Variants in GAS7 observed in about 807,000 individuals in gnomAD.
GAS7 encodes growth arrest specific 7, also known as growth arrest-specific protein 7.
Under a neutral mutation model 71.1 loss-of-function variants are expected in GAS7, and 28 were observed. The observed-to-expected ratio is 0.39, with a 90% CI of 0.29 to 0.54. The LOEUF (loss-of-function observed/expected upper bound fraction) is 0.54, where lower values mean the gene tolerates loss of function less well. Ranked by LOEUF, GAS7 falls within the 20% of genes least tolerant of loss-of-function variation. The probability of loss-of-function intolerance (pLI) is 0.62; values close to 1 mark genes in which losing one functional copy is unlikely to be tolerated. For synonymous variants in GAS7, 258 were observed against 245.8 expected (o/e 1.05, Z -0.46); for missense variants, 436 against 627.8 (o/e 0.69, Z 3.27).
At chr17:9,987,418 T>C (rs952075044) in intron 2 of GAS7, among the ~76,000 whole-genome samples, 1 of 152,242 alleles carries the variant, frequency 6.6e-6, no homozygotes, top group Non-Finnish European at 1.5e-5. Context: ...GGTACTATTT[T>C]AGCATTAATG....
intron 5 of GAS7, among the ~76,000 whole-genome samples, chr17:9,950,488 A>G (rs1312409796): frequency 1.3e-5 from 2 of 152,124 alleles, no homozygotes; most frequent in East Asian, 1.9e-4. Flanking sequence ...CTTTAGCCTA[A>G]GTTAAAAAAA....
intron 1 of GAS7, among the ~76,000 whole-genome samples, chr17:10,148,157 A>G (rs1232673845): frequency 6.6e-6 from 1 of 152,192 alleles, no homozygotes; most frequent in African/African-American, 2.4e-5. Flanking sequence ...GGGAGTCAAA[A>G]AAAGAACACA....
At chr17:9,930,471 C>T (rs2068169273) in intron 9 of GAS7, among the ~76,000 whole-genome samples, 4 of 152,314 alleles carry the variant, frequency 2.6e-5, no homozygotes, top group South Asian at 4.1e-4. Flanking sequence ...TCTGATGGAA[C>T]GCAGAGCCTC....
chr17:9,934,190 T>C lies in GAS7; in HGVS notation c.861A>G (p.Glu287=), dbSNP rs762865076. The part of the protein sequence containing the change: ...QVKKSLADEA[E]VHLKFSAKLH... ...CCTTGGCAGAGAACTTGAGGTGAAC[T>C]TCTGCTTCGTCCGCCAGGCTCTTCT... Residue 287 remains glutamate (E), a synonymous_variant, in exon 9 of 14, where the codon GAA becomes GAG. Transcript: ENST00000432992. 9 of 1,613,122 alleles carry C rather than the reference T, an allele frequency of 5.6e-6. No homozygotes were observed. In the African/African-American group the frequency reaches 1.2e-4, roughly 22 times the overall value.
chr17:10,064,005 T>A (rs2152243838), intron 1 of GAS7, among the ~76,000 whole-genome samples: 2 of 152,254 alleles, frequency 1.3e-5, no homozygotes, highest in Middle Eastern at 3.4e-3. Context: ...CACTTCCCTT[T>A]TCCATTTCCC....
intron 1 of GAS7, among the ~76,000 whole-genome samples, chr17:10,178,884 G>T (rs1456851693): frequency 2.0e-5 from 3 of 151,880 alleles, no homozygotes; most frequent in African/African-American, 7.3e-5. Flanking sequence ...GAGAAAAAAG[G>T]TGAGCAGAGA....
At chr17:10,014,709 CTTATAGGT>C (rs1235923477) in intron 2 of GAS7, among the ~76,000 whole-genome samples, 1 of 152,150 alleles carries the variant, frequency 6.6e-6, no homozygotes, top group African/African-American at 2.4e-5. Flanking sequence ...ACCTGTAACA[CTTATAGGT>C]TTATATGTGT....
intron 2 of GAS7, among the ~76,000 whole-genome samples, chr17:10,005,042 C>CATATATATATAT (rs370673273): frequency 1.3e-3 from 182 of 144,894 alleles, no homozygotes; most frequent in African/African-American, 4.5e-3. Context: ...TATATACATA[C>CATATATATATAT]ATATATATAC....
At chr17:10,186,284 AG>A (rs2074452767) in intron 1 of GAS7, among the ~76,000 whole-genome samples, 1 of 151,712 alleles carries the variant, frequency 6.6e-6, no homozygotes, top group African/African-American at 2.4e-5. Flanking sequence ...AAGAGCCTCG[AG>A]TGATATGCAC....
chr17:10,162,998 TTA>T (rs1240863203), intron 1 of GAS7, among the ~76,000 whole-genome samples: 1 of 152,208 alleles, frequency 6.6e-6, no homozygotes. Flanking sequence ...GTAAATTTTG[TTA>T]TATGTGATTT....
chr17:10,174,467 C>A (rs138873096), intron 1 of GAS7, among the ~76,000 whole-genome samples: 2 of 152,090 alleles, frequency 1.3e-5, no homozygotes, highest in South Asian at 2.1e-4. Flanking sequence ...CCGAGACGGG[C>A]GGATCACGAG....
At chr17:10,037,387 T>C (rs1206488782) in intron 1 of GAS7, among the ~76,000 whole-genome samples, 1 of 152,182 alleles carries the variant, frequency 6.6e-6, no homozygotes, top group Non-Finnish European at 1.5e-5. Context: ...AAATGCCGCA[T>C]ATTTCTGTGT....
chr17:9,925,170 G>A (rs1357831956), intron 11 of GAS7, among the ~76,000 whole-genome samples: 3 of 136,732 alleles, frequency 2.2e-5, no homozygotes, highest in Non-Finnish European at 4.8e-5. Flanking sequence ...TCAGAGATCT[G>A]GGGCTTGGGC....
chr17:10,028,430 T>G (rs2072526307), intron 1 of GAS7, among the ~76,000 whole-genome samples: 1 of 152,172 alleles, frequency 6.6e-6, no homozygotes, highest in Non-Finnish European at 1.5e-5. Context: ...TTGTAAGAGC[T>G]GCACAAATGG....
chr17:10,053,723 CA>C (rs1335677179), intron 1 of GAS7, among the ~76,000 whole-genome samples: 1 of 152,224 alleles, frequency 6.6e-6, no homozygotes, highest in African/African-American at 2.4e-5. Flanking sequence ...GCCCTCTCCG[CA>C]GGTACCGACT....
At chr17:10,173,725 G>A (rs1343348008) in intron 1 of GAS7, among the ~76,000 whole-genome samples, 1 of 151,560 alleles carries the variant, frequency 6.6e-6, no homozygotes, top group Non-Finnish European at 1.5e-5. Flanking sequence ...CCGAGATCGT[G>A]CCACTGCACT....
chr17:10,151,532 C>T (rs960861654), intron 1 of GAS7, among the ~76,000 whole-genome samples: 2 of 152,084 alleles, frequency 1.3e-5, no homozygotes, highest in African/African-American at 4.8e-5. Flanking sequence ...CATCAATCTA[C>T]GTACCTACCT....
intron 1 of GAS7, among the ~76,000 whole-genome samples, chr17:10,141,022 T>C (rs538913904): frequency 2.1e-4 from 32 of 152,338 alleles, no homozygotes; most frequent in Admixed American, 6.5e-4. Context: ...CACCCAGCTA[T>C]GCCCCTCTGA....
chr17:10,105,679 C>A (rs2073749880), intron 1 of GAS7, among the ~76,000 whole-genome samples: 1 of 152,194 alleles, frequency 6.6e-6, no homozygotes, highest in African/African-American at 2.4e-5. Flanking sequence ...CCTAAGCTCC[C>A]AATCCAAAGA....
Sources: allele counts gnomAD v4.1 joint callset (sites outside exome capture counted in the v4.1 genomes callset), GRCh38; gene constraint gnomAD v4.1.1; transcripts MANE v1.5; gene names NCBI Gene and HGNC (gene_info 2026-07-23, HGNC 2026-07-21).